PVT1: variants seen among roughly 807,000 people sequenced by gnomAD.
PVT1 encodes CXCR4/PVT1 fusion.
In PVT1 at chr8:128,018,409, C is replaced by A. The variant is rs150426743; in HGVS notation, n.912+29118C>A. 2.2e-3 allele frequency among the ~76,000 whole-genome samples: 328 copies of A among 152,310 alleles called. 1 individual carries two copies. The highest frequency in any genetic ancestry group is 7.5e-3 in the African/African-American group (310 of 41,584). On this transcript the variant is annotated intron_variant and non_coding_transcript_variant, in intron 4 of 10. Coordinates refer to ENST00000651587, the Ensembl canonical transcript of PVT1. ...GTCACCTCTGTTAGGCTCCTGGAAG[C>A]CCCCTTCATTGCTGCATGTAATGAC... is the stretch of plus-strand genomic sequence containing the variant.
At chr8:128,011,955 G>C in intron 4 of PVT1, among the ~76,000 whole-genome samples, 1 of 152,214 alleles carries the variant, frequency 6.6e-6, no homozygotes, top group East Asian at 1.9e-4. Context: ...GGGTGGGGCT[G>C]AAAGGATCCA....
At chr8:127,927,640 T>G (rs1816146990) in intron 3 of PVT1, among the ~76,000 whole-genome samples, 3 of 152,114 alleles carry the variant, frequency 2.0e-5, no homozygotes, top group Non-Finnish European at 2.9e-5. Context: ...GAGGCTATGT[T>G]CTGGAGTCAG....
At chr8:128,040,058 A>T (rs1813512908) in intron 4 of PVT1, among the ~76,000 whole-genome samples, 1 of 152,108 alleles carries the variant, frequency 6.6e-6, no homozygotes, top group African/African-American at 2.4e-5. Flanking sequence ...GTTATGTTAG[A>T]GATGTTGGTC....
rs1340282567 is a variant in PVT1 at position 127,832,670 on chromosome 8, A to G, written n.372+36599A>G. On this transcript the variant is annotated intron_variant and non_coding_transcript_variant, in intron 2 of 10. Coordinates refer to ENST00000651587, the Ensembl canonical transcript of PVT1. ...TCAGGAGATAGAGACCATCCTGGCTAACATGGTGAAACCCCATCTCTACTA... is the reference window on the plus strand; with the variant it reads ...TCAGGAGATAGAGACCATCCTGGCTGACATGGTGAAACCCCATCTCTACTA... 3.3e-5 allele frequency among the ~76,000 whole-genome samples: 5 copies of G among 152,254 alleles called. No individual in the cohort carries two copies. In the East Asian group the frequency reaches 9.7e-4, roughly 29 times the overall value.
intron 3 of PVT1, among the ~76,000 whole-genome samples, chr8:127,938,418 C>T (rs1816305812): frequency 6.6e-6 from 1 of 152,184 alleles, no homozygotes; most frequent in Admixed American, 6.5e-5. Context: ...GCATGTTCCT[C>T]AAGGACAGCT....
chr8:128,082,109 A>G (rs1814189704), intron 5 of PVT1, among the ~76,000 whole-genome samples: 7 of 152,228 alleles, frequency 4.6e-5, no homozygotes, highest in Admixed American at 4.6e-4. Context: ...AGCAGTGACA[A>G]CAATAATAAA....
intron 5 of PVT1, among the ~76,000 whole-genome samples, chr8:128,089,891 T>A (rs1288167237): frequency 6.6e-6 from 1 of 152,234 alleles, no homozygotes; most frequent in African/African-American, 2.4e-5. Context: ...CGCTAGGGCC[T>A]CACCCACTAG....
rs4733805 is a variant in PVT1, at chr8:127,896,779, C to T, written n.782+5781C>T. 1.6e-3 allele frequency among the ~76,000 whole-genome samples: 222 copies of T among 135,008 alleles called. 1 individual carries two copies. The highest frequency in any genetic ancestry group is 7.2e-3 in the Middle Eastern group (2 of 278). 88.6% of individuals were successfully genotyped at this position (135,008 alleles called of 152,430 possible). On this transcript the variant is annotated intron_variant and non_coding_transcript_variant, in intron 3 of 10. Coordinates refer to ENST00000651587, the Ensembl canonical transcript of PVT1. ...ATTTTTCCTGATGCCTTTCCTCCCC[C>T]CCCCCGCCCCCGACCCACAGGCCCC...
chr8:127,810,693 G>T (rs1814583001), intron 2 of PVT1, among the ~76,000 whole-genome samples: 1 of 152,206 alleles, frequency 6.6e-6, no homozygotes, highest in African/African-American at 2.4e-5. Context: ...TAGAGGATTT[G>T]TGTCTGCAGA....
At chr8:127,839,771 A>C (rs1374866854) in intron 2 of PVT1, among the ~76,000 whole-genome samples, 1 of 152,034 alleles carries the variant, frequency 6.6e-6, no homozygotes, top group Non-Finnish European at 1.5e-5. Flanking sequence ...GGAAGGTGTC[A>C]GAGAAGGTTA....
chr8:128,097,986 C>T (rs1465044786), intron 6 of PVT1, among the ~76,000 whole-genome samples: 2 of 152,178 alleles, frequency 1.3e-5, no homozygotes, highest in Non-Finnish European at 2.9e-5. Flanking sequence ...CTACCCGGCA[C>T]CTGGAACTCT....
intron 2 of PVT1, among the ~76,000 whole-genome samples, chr8:127,853,567 G>T (rs1429821071): frequency 6.6e-6 from 1 of 152,118 alleles, no homozygotes; most frequent in African/African-American, 2.4e-5. Context: ...GATCACCTGA[G>T]GTCAGGAGTT....
chr8:128,041,296 G>A (rs968558317), intron 4 of PVT1, among the ~76,000 whole-genome samples: 9 of 109,626 alleles, frequency 8.2e-5, no homozygotes, highest in African/African-American at 2.4e-4. Context: ...TTGTATGTTT[G>A]TGTTGTGCTC....
chr8:127,883,022 T>C (rs554948224), intron 2 of PVT1, among the ~76,000 whole-genome samples: 7 of 150,674 alleles, frequency 4.6e-5, no homozygotes, highest in South Asian at 4.2e-4. Context: ...CACACATGCC[T>C]GCACACACAC....
At chr8:127,947,939 A>G (rs1261378587) in intron 3 of PVT1, 1 of 456,946 alleles carries the variant, frequency 2.2e-6, no homozygotes, top group Non-Finnish European at 4.4e-6. Context: ...AACTGAGTGC[A>G]AAGTGACAGC....
chr8:127,892,316 C>T (rs1159976425), intron 3 of PVT1, among the ~76,000 whole-genome samples: 2 of 152,160 alleles, frequency 1.3e-5, no homozygotes, highest in Non-Finnish European at 2.9e-5. Context: ...AGTAATCTTT[C>T]TGAGTTGAGG....
chr8:127,906,360 A>G (rs1253158634), intron 3 of PVT1, among the ~76,000 whole-genome samples: 1 of 152,208 alleles, frequency 6.6e-6, no homozygotes, highest in Non-Finnish European at 1.5e-5. Flanking sequence ...TTAGCACCAA[A>G]ATAAATCCTC....
At chr8:127,942,763 CTG>C (rs1816368112) in intron 3 of PVT1, among the ~76,000 whole-genome samples, 1 of 152,190 alleles carries the variant, frequency 6.6e-6, no homozygotes. Flanking sequence ...GTGGGAAAGA[CTG>C]TGAGATTCAG....
At chr8:127,903,833 T>C (rs1012145227) in intron 3 of PVT1, among the ~76,000 whole-genome samples, 1 of 152,218 alleles carries the variant, frequency 6.6e-6, no homozygotes, top group African/African-American at 2.4e-5. Context: ...TGTAGCCTTG[T>C]AGTATAATTT....
Sources: allele counts gnomAD v4.1 joint callset (sites outside exome capture counted in the v4.1 genomes callset), GRCh38; gene constraint gnomAD v4.1.1; transcripts MANE v1.5; gene names NCBI Gene and HGNC (gene_info 2026-07-23, HGNC 2026-07-21).